The following HERC3 variants were observed in gnomAD, a reference collection of about 807,000 sequenced individuals.
The protein encoded by HERC3 is probable E3 ubiquitin-protein ligase HERC3.
A neutral mutation model predicts 129.9 loss-of-function variants in HERC3; 58 were observed. That is an observed-to-expected ratio of 0.45 (90% CI 0.36 to 0.56). The LOEUF (loss-of-function observed/expected upper bound fraction) is 0.56. Among genes scored for constraint, HERC3 ranks in the 20% least tolerant of loss-of-function variants. The probability of loss-of-function intolerance (pLI) is 0.00; values close to 1 mark genes in which losing one functional copy is unlikely to be tolerated. For synonymous variants in HERC3, 430 were observed against 451.0 expected, an observed-to-expected ratio of 0.95 and a Z score of 0.59; for missense variants, 835 against 1,244.2, an observed-to-expected ratio of 0.67 and a Z score of 4.95.
chr4:88,592,351 GC>G (rs1721771266), upstream of HERC3: 1 of 152,600 alleles, frequency 6.6e-6, no homozygotes, highest in African/African-American at 2.4e-5. Context: ...GGACCTTGCC[GC>G]CCCGCCTCCA....
At chr4:88,642,411 C>A (rs1045739142) in intron 3 of HERC3, among the ~76,000 whole-genome samples, 19 of 152,230 alleles carry the variant, frequency 1.2e-4, no homozygotes, top group Admixed American at 7.2e-4. Flanking sequence ...TTATGAAGGA[C>A]ATCTACCAAC....
intron 3 of HERC3, among the ~76,000 whole-genome samples, chr4:88,626,210 C>CCTTCT (rs1372929663): frequency 6.6e-6 from 1 of 151,772 alleles, no homozygotes; most frequent in East Asian, 1.9e-4. Context: ...CTTTCCTTTT[C>CCTTCT]CTTCTTTTCT....
At chr4:88,612,030 T>C (rs1724383415) in intron 3 of HERC3, among the ~76,000 whole-genome samples, 1 of 152,202 alleles carries the variant, frequency 6.6e-6, no homozygotes, top group South Asian at 2.1e-4. Flanking sequence ...AGTCATCATA[T>C]ACCATGTTAT....
At chr4:88,576,446 C>T in the HERC3 span, among the ~76,000 whole-genome samples, 1 of 152,226 alleles carries the variant, frequency 6.6e-6, no homozygotes, top group African/African-American at 2.4e-5. Flanking sequence ...GCTGACAATC[C>T]TGCAATCCTT....
rs79253443 is a variant in HERC3 at position 88,647,725 on chromosome 4, A to G, written c.227-2115A>G. On this transcript the variant is annotated intron_variant, in intron 3 of 25. Transcript: ENST00000402738. The stretch of plus-strand genomic sequence containing the variant: ...TTGTTTTGAAGGAATATATTTATGC[A>G]AACTGTGTTCAGGTTAAATAACAGT... Among the ~76,000 whole-genome samples the G allele has an allele frequency of 7.0e-3, 1,070 of 152,240 alleles. 12 individuals carry two copies. Among genetic ancestry groups the G allele is most frequent in the African/African-American group, 0.024 (1,014 of 41,540 alleles).
At chr4:88,640,019 A>G (rs1296779053) in intron 3 of HERC3, among the ~76,000 whole-genome samples, 2 of 152,242 alleles carry the variant, frequency 1.3e-5, no homozygotes, top group Non-Finnish European at 2.9e-5. Context: ...GATCAAAACC[A>G]CAATGAGATA....
At chr4:88,589,691 G>C (rs1721614165), upstream of HERC3, among the ~76,000 whole-genome samples, 1 of 152,180 alleles carries the variant, frequency 6.6e-6, no homozygotes, top group Non-Finnish European at 1.5e-5. Flanking sequence ...CTGCTGTTAA[G>C]ACTATTGCTG....
intron 3 of HERC3, among the ~76,000 whole-genome samples, chr4:88,627,391 A>G (rs968125646): frequency 6.6e-6 from 1 of 152,206 alleles, no homozygotes; most frequent in Non-Finnish European, 1.5e-5. Flanking sequence ...TTTATATAGC[A>G]TTTACATTAT....
intron 1 of HERC3, among the ~76,000 whole-genome samples, chr4:88,593,814 C>T (rs1443466689): frequency 6.6e-6 from 1 of 152,148 alleles, no homozygotes; most frequent in Non-Finnish European, 1.5e-5. Flanking sequence ...GTTTTAAATG[C>T]GGTGATCGGG....
chr4:88,686,082 C>T (rs1433130975), intron 21 of HERC3, among the ~76,000 whole-genome samples: 3 of 152,034 alleles, frequency 2.0e-5, no homozygotes, highest in African/African-American at 7.2e-5. Flanking sequence ...ACACATTTGG[C>T]AGCTTGTTAT....
intron 12 of HERC3, among the ~76,000 whole-genome samples, chr4:88,666,811 A>ATG (rs1731092126): frequency 6.6e-6 from 1 of 152,228 alleles, no homozygotes; most frequent in African/African-American, 2.4e-5. Context: ...CCTTGGGTGA[A>ATG]TGTAATTGTA....
chr4:88,697,364 C>T, intron 23 of HERC3: 2 of 1,614,074 alleles, frequency 1.2e-6, no homozygotes, highest in Non-Finnish European at 1.7e-6. Context: ...AAGGTCCATG[C>T]ACACCCCTCC....
chr4:88,647,944 A>G (rs1728874441), intron 3 of HERC3, among the ~76,000 whole-genome samples: 1 of 151,602 alleles, frequency 6.6e-6, no homozygotes, highest in Non-Finnish European at 1.5e-5. Context: ...TATATTCTCT[A>G]CCTACCCTCT....
intron 9 of HERC3, chr4:88,656,264 G>T (rs1446944590): frequency 7.7e-6 from 4 of 518,134 alleles, no homozygotes; most frequent in Non-Finnish European, 1.4e-5. Context: ...TTCTTGCATT[G>T]CTGTAAAGAG....
At chr4:88,628,859 T>C (rs759917570) in intron 3 of HERC3, among the ~76,000 whole-genome samples, 4 of 152,062 alleles carry the variant, frequency 2.6e-5, no homozygotes, top group Non-Finnish European at 4.4e-5. Flanking sequence ...AGGAGGGAAG[T>C]GGTAAGAAGT....
At chr4:88,704,931 G>A (rs1735655634) in intron 25 of HERC3, among the ~76,000 whole-genome samples, 1 of 149,270 alleles carries the variant, frequency 6.7e-6, no homozygotes, top group South Asian at 2.2e-4. Context: ...CGTGATCTCA[G>A]CTCACTGCAA....
At chr4:88,615,330 A>C (rs550579045) in intron 3 of HERC3, among the ~76,000 whole-genome samples, 15 of 152,144 alleles carry the variant, frequency 9.9e-5, no homozygotes, top group Non-Finnish European at 1.9e-4. Context: ...CATCTCTTCA[A>C]GGGCTACTGG....
intron 21 of HERC3, among the ~76,000 whole-genome samples, chr4:88,682,863 G>A (rs887741967): frequency 7.2e-5 from 11 of 151,988 alleles, no homozygotes; most frequent in South Asian, 2.1e-4. Context: ...GGGTCAAATG[G>A]TATTTCTAGT....
At chr4:88,608,619 G>A (rs2149198529) in intron 3 of HERC3, among the ~76,000 whole-genome samples, 1 of 152,326 alleles carries the variant, frequency 6.6e-6, no homozygotes, top group Non-Finnish European at 1.5e-5. Context: ...GAGGTGGCAG[G>A]AAGAAGATTG....
Sources: gnomAD v4.1 joint callset for allele counts (sites outside exome capture counted in the v4.1 genomes callset) on GRCh38, gnomAD v4.1.1 for gene constraint, MANE v1.5 for transcripts, NCBI Gene and HGNC (gene_info 2026-07-23, HGNC 2026-07-21) for gene names.